The following NELL2 variants were observed in gnomAD, a reference collection of about 807,000 sequenced individuals.
NELL2 encodes neural EGFL like 2, also known as protein kinase C-binding protein NELL2.
In NELL2, 41 loss-of-function variants were observed where a neutral mutation model predicts 109.6. The ratio of observed to expected loss-of-function variants is 0.37; its 90% CI spans 0.29 to 0.49. NELL2 has a LOEUF of 0.49. Ranked by LOEUF, NELL2 falls within the 20% of genes least tolerant of loss-of-function variation. The probability of loss-of-function intolerance (pLI) is 0.98; values close to 1 mark genes in which losing one functional copy is unlikely to be tolerated. For missense variants in NELL2, 900 were observed against 1,008.3 expected, an observed-to-expected ratio of 0.89 and a Z score of 1.45; for synonymous variants, 355 against 344.7, an observed-to-expected ratio of 1.03 and a Z score of -0.33.
chr12:44,545,538 T>C (rs1031848048), intron 15 of NELL2, among the ~76,000 whole-genome samples: 2 of 151,974 alleles, frequency 1.3e-5, no homozygotes, highest in African/African-American at 2.4e-5. Context: ...TATTATGAGG[T>C]CTACAGATGA....
At chr12:44,643,608 T>G (rs1054775036) in intron 13 of NELL2, among the ~76,000 whole-genome samples, 6 of 152,156 alleles carry the variant, frequency 3.9e-5, no homozygotes, top group Non-Finnish European at 2.9e-5. Flanking sequence ...TGTGTACATA[T>G]TACATCTATA....
At chr12:44,591,846 T>C (rs562013405) in intron 15 of NELL2, among the ~76,000 whole-genome samples, 1 of 152,324 alleles carries the variant, frequency 6.6e-6, no homozygotes, top group African/African-American at 2.4e-5. Flanking sequence ...AGACATTGTA[T>C]ACATGTATCG....
At chr12:44,617,391 T>C (rs1210430350) in intron 13 of NELL2, among the ~76,000 whole-genome samples, 2 of 151,994 alleles carry the variant, frequency 1.3e-5, no homozygotes, top group African/African-American at 4.8e-5. Context: ...AGGATCTCTA[T>C]GAAAAAGCAG....
chr12:44,835,599 G>C (rs1234213604), intron 2 of NELL2, among the ~76,000 whole-genome samples: 1 of 152,210 alleles, frequency 6.6e-6, no homozygotes, highest in African/African-American at 2.4e-5. Flanking sequence ...AAACATCACT[G>C]GTTGATCTAT....
At chr12:44,744,180 C>A (rs565532133) in intron 9 of NELL2, among the ~76,000 whole-genome samples, 1 of 152,182 alleles carries the variant, frequency 6.6e-6, no homozygotes, top group Admixed American at 6.5e-5. Flanking sequence ...GGAAACTGAA[C>A]AACCTGCTCT....
At chr12:44,865,678 G>C (rs1390495555) in intron 2 of NELL2, among the ~76,000 whole-genome samples, 1 of 97,580 alleles carries the variant, frequency 1.0e-5, no homozygotes, top group African/African-American at 3.9e-5. Flanking sequence ...TCGGGGGAGG[G>C]GGGAGGGATA....
intron 15 of NELL2, among the ~76,000 whole-genome samples, chr12:44,588,563 A>T (rs113030690): frequency 1.1e-3 from 162 of 152,334 alleles, no homozygotes; most frequent in African/African-American, 3.8e-3. Context: ...AGTGTGTTAG[A>T]TCTGAAAGTA....
intron 1 of NELL2, among the ~76,000 whole-genome samples, chr12:44,904,323 A>C (rs1945695984): frequency 6.6e-6 from 1 of 152,188 alleles, no homozygotes; most frequent in South Asian, 2.1e-4. Flanking sequence ...TTATTCTAAG[A>C]ATATGCTTTT....
At chr12:44,649,848 T>TA (rs1947240374) in intron 13 of NELL2, among the ~76,000 whole-genome samples, 1 of 152,202 alleles carries the variant, frequency 6.6e-6, no homozygotes, top group South Asian at 2.1e-4. Flanking sequence ...GAGCATTTAG[T>TA]TGGCAGCTGC....
intron 13 of NELL2, among the ~76,000 whole-genome samples, chr12:44,648,846 C>T (rs180715540): frequency 1.3e-5 from 2 of 148,878 alleles, no homozygotes; most frequent in South Asian, 4.3e-4. Context: ...AGCGATTCTC[C>T]TGCCTCAGCT....
intron 1 of NELL2, among the ~76,000 whole-genome samples, chr12:44,908,659 T>A (rs912500696): frequency 6.6e-6 from 1 of 151,896 alleles, no homozygotes; most frequent in Non-Finnish European, 1.5e-5. Flanking sequence ...ATTAAAGTGA[T>A]CCAGGTGCTA....
Position 44,874,305 on chromosome 12 carries a change from A to G in NELL2, c.184+920T>C, listed in dbSNP as rs147962273. Among the ~76,000 whole-genome samples the G allele has an allele frequency of 2.2e-3, 331 of 152,286 alleles. 2 individuals carry two copies. Among genetic ancestry groups the G allele is most frequent in the African/African-American group, 7.1e-3 (297 of 41,572 alleles). ...AGGGCAAGAAGCTTTAGTCCATTAG[A>G]TATGTTAAACCAAACTCCATTCTCT... On this transcript the variant is annotated intron_variant, in intron 2 of 19. Coordinates refer to ENST00000429094, the MANE Select transcript of NELL2 (RefSeq NM_001145108.2).
At chr12:44,670,907 C>T (rs909214177) in intron 12 of NELL2, among the ~76,000 whole-genome samples, 1 of 152,112 alleles carries the variant, frequency 6.6e-6, no homozygotes, top group Non-Finnish European at 1.5e-5. Context: ...AGAAAATCAA[C>T]AAAGAAAGAT....
chr12:44,579,164 C>A (rs1011432638), intron 15 of NELL2, among the ~76,000 whole-genome samples: 2 of 152,062 alleles, frequency 1.3e-5, no homozygotes, highest in Admixed American at 6.5e-5. Flanking sequence ...GAATTGTTGT[C>A]ATTTTGATTT....
intron 19 of NELL2, among the ~76,000 whole-genome samples, chr12:44,518,994 T>C (rs1941404702): frequency 6.6e-6 from 1 of 152,202 alleles, no homozygotes; most frequent in African/African-American, 2.4e-5. Flanking sequence ...TTGAAATAGA[T>C]AAAAATGGCA....
chr12:44,523,107 T>G (rs1050960630), intron 17 of NELL2, 184 bp downstream of exon 17: 5 of 642,360 alleles, frequency 7.8e-6, no homozygotes, highest in Non-Finnish European at 1.3e-5. Flanking sequence ...GATCTAAGGT[T>G]GTGGGACTAA....
In NELL2 at chr12:44,745,204, A is replaced by G. The variant is rs372272740; in HGVS notation, c.994+29543T>C. Among the ~76,000 whole-genome samples the G allele has an allele frequency of 5.3e-5, 8 of 152,276 alleles. No homozygotes were observed. In the South Asian group the frequency reaches 1.0e-3, roughly 20 times the overall value. The stretch of plus-strand genomic sequence containing the variant: ...ATAAACGGAACCAAAGACAAAAACC[A>G]TGATTATCTCAACAGATGCAGAAAA... On this transcript the variant is annotated intron_variant, in intron 9 of 19. Coordinates refer to ENST00000429094, the MANE Select transcript of NELL2 (RefSeq NM_001145108.2).
At chr12:44,702,853 G>A (rs971332269) in intron 12 of NELL2, among the ~76,000 whole-genome samples, 5 of 152,138 alleles carry the variant, frequency 3.3e-5, no homozygotes, top group African/African-American at 1.2e-4. Flanking sequence ...ACAGAAGTTG[G>A]TTTCCCGAGA....
intron 9 of NELL2, among the ~76,000 whole-genome samples, chr12:44,727,694 T>C (rs957111026): frequency 8.5e-5 from 13 of 152,088 alleles, no homozygotes; most frequent in Admixed American, 3.9e-4. Flanking sequence ...TTTATTCTTT[T>C]CAGATAACTT....
Sources: gnomAD v4.1 joint callset for allele counts (sites outside exome capture counted in the v4.1 genomes callset) on GRCh38, gnomAD v4.1.1 for gene constraint, MANE v1.5 for transcripts, NCBI Gene and HGNC (gene_info 2026-07-23, HGNC 2026-07-21) for gene names.